The following KCNE1 variants were observed in gnomAD, a reference collection of about 807,000 sequenced individuals.
KCNE1 encodes the protein potassium voltage-gated channel subfamily E member 1.
KCNE1 carries 1 observed loss-of-function variant against 2.9 expected under a neutral mutation model. That is an observed-to-expected ratio of 0.34 (90% CI 0.12 to 1.62). The LOEUF (loss-of-function observed/expected upper bound fraction) is 1.62, where lower values mean the gene tolerates loss of function less well. Ranked by LOEUF, KCNE1 falls within the 40% of genes most tolerant of loss-of-function variation. The pLI is 0.36. For synonymous variants in KCNE1, 23 were observed against 65.4 expected (o/e 0.35, Z 3.13); for missense variants, 45 against 150.5 (o/e 0.30, Z 3.67).
At chr21:34,508,057 T>C (rs944497161) in intron 2 of KCNE1, among the ~76,000 whole-genome samples, 20 of 152,216 alleles carry the variant, frequency 1.3e-4, no homozygotes, top group Non-Finnish European at 2.8e-4. Flanking sequence ...GACAGGGTCT[T>C]GCTCTGTGGT....
chr21:34,506,238 G>A (rs181762720), intron 2 of KCNE1, among the ~76,000 whole-genome samples: 41 of 152,288 alleles, frequency 2.7e-4, no homozygotes, highest in African/African-American at 9.9e-4. Flanking sequence ...ACAAGCTTTT[G>A]GAAAATTGCT....
Position 34,449,095 on chromosome 21 carries a change from G to A in KCNE1, c.*150C>T, listed in dbSNP as rs145330135. On this transcript the variant is annotated 3_prime_UTR_variant, in exon 4 of 4. Coordinates refer to ENST00000399286, the MANE Select transcript of KCNE1 (RefSeq NM_000219.6). The stretch of plus-strand genomic sequence containing the variant: ...AAAAGAACGTGATTTTAGAGAAACA[G>A]TGAAACAGTGTCATTAATCCACCCC... 41 of 449,620 alleles carry A rather than the reference G, an allele frequency of 9.1e-5. 13 individuals carry two copies. The East Asian group carries it at 1.5e-3, about 16-fold the overall frequency. 27.9% of individuals were successfully genotyped at this position (449,620 alleles called of 1,614,324 possible).
At chr21:34,505,970 C>T (rs1480201592) in intron 2 of KCNE1, among the ~76,000 whole-genome samples, 1 of 152,226 alleles carries the variant, frequency 6.6e-6, no homozygotes, top group East Asian at 1.9e-4. Flanking sequence ...AGTTTTTTAA[C>T]TACAGTATTT....
At chr21:34,504,245 G>T (rs909976799) in intron 2 of KCNE1, among the ~76,000 whole-genome samples, 16 of 152,210 alleles carry the variant, frequency 1.1e-4, no homozygotes, top group South Asian at 4.1e-4. Context: ...AGTTGGGAGA[G>T]TGAGAAGGTA....
chr21:34,507,669 C>T (rs563448298), intron 2 of KCNE1, among the ~76,000 whole-genome samples: 3 of 152,204 alleles, frequency 2.0e-5, no homozygotes, highest in Non-Finnish European at 2.9e-5. Flanking sequence ...GAGCAGGTCA[C>T]ATTCAGCTTA....
intron 2 of KCNE1, chr21:34,510,463 C>T (rs1436356309): frequency 1.3e-5 from 2 of 152,558 alleles, no homozygotes; most frequent in Non-Finnish European, 2.9e-5. Flanking sequence ...GGTGGGTGCA[C>T]ACTTGTCTGA....
intron 2 of KCNE1, among the ~76,000 whole-genome samples, chr21:34,498,348 C>A (rs1016036212): frequency 1.3e-5 from 2 of 152,236 alleles, no homozygotes; most frequent in African/African-American, 4.8e-5. Flanking sequence ...ATGGAAAGAT[C>A]TGGAACTCAA....
intron 2 of KCNE1, among the ~76,000 whole-genome samples, chr21:34,502,073 G>A (rs1983203407): frequency 6.6e-6 from 1 of 152,168 alleles, no homozygotes; most frequent in Admixed American, 6.5e-5. Context: ...CTGCATTCAT[G>A]CATGCTTTTG....
chr21:34,509,909 C>T (rs749281659), intron 2 of KCNE1: 3 of 152,132 alleles, frequency 2.0e-5, no homozygotes, highest in Non-Finnish European at 4.4e-5. Context: ...CCTCTTTCTC[C>T]TCCCACCCTC....
At chr21:34,505,620 C>T (rs1983437886) in intron 2 of KCNE1, among the ~76,000 whole-genome samples, 1 of 152,200 alleles carries the variant, frequency 6.6e-6, no homozygotes, top group Admixed American at 6.5e-5. Context: ...GTCTTAGAGA[C>T]CTGAGCAGGC....
intron 2 of KCNE1, among the ~76,000 whole-genome samples, chr21:34,500,072 T>G (rs1168927633): frequency 6.6e-6 from 1 of 152,202 alleles, no homozygotes; most frequent in Non-Finnish European, 1.5e-5. Context: ...CACCGATATT[T>G]ATAATTTAAA....
intron 2 of KCNE1, among the ~76,000 whole-genome samples, chr21:34,496,511 C>T (rs1476819570): frequency 1.3e-5 from 2 of 152,090 alleles, no homozygotes; most frequent in Non-Finnish European, 2.9e-5. Flanking sequence ...TTATTCCACA[C>T]GGTCTGAAAG....
At chr21:34,503,229 A>G (rs1319614178) in intron 2 of KCNE1, among the ~76,000 whole-genome samples, 4 of 152,216 alleles carry the variant, frequency 2.6e-5, no homozygotes, top group Non-Finnish European at 5.9e-5. Flanking sequence ...TTGTTAGAGC[A>G]GCTCACAGAA....
Position 34,511,319 on chromosome 21 carries a change from A to C in KCNE1, c.-376-4T>G. 2.0e-6 allele frequency: 2 copies of C among 985,574 alleles called. No individual in the cohort carries two copies. Among genetic ancestry groups the C allele is most frequent in the Non-Finnish European group, 2.4e-6 (2 of 830,038 alleles). 61.1% of individuals were successfully genotyped at this position (985,574 alleles called of 1,614,324 possible). On this transcript the variant is annotated splice_polypyrimidine_tract_variant and splice_region_variant and intron_variant, in intron 1 of 3. Transcript: ENST00000399286. ...GGGCTTGTCTGTTTGGTGGTTGCTA[A>C]GGTTTGAAAAAAGCCAGCTGGAAAC...
intron 2 of KCNE1, among the ~76,000 whole-genome samples, chr21:34,496,562 T>C (rs1568858743): frequency 6.6e-6 from 1 of 151,980 alleles, no homozygotes; most frequent in African/African-American, 2.4e-5. Flanking sequence ...TTTATTGAGA[T>C]GTTTTTTGTG....
At chr21:34,504,153 A>C (rs1259105084) in intron 2 of KCNE1, among the ~76,000 whole-genome samples, 1 of 152,224 alleles carries the variant, frequency 6.6e-6, no homozygotes, top group Non-Finnish European at 1.5e-5. Context: ...AGGAAAGGAC[A>C]ACCACTCCGT....
Position 34,511,181 on chromosome 21 carries a change from T to C in KCNE1, c.-242A>G. ...GCAGGCTCCTTCTCTTCAGGTGGTC[T>C]TAGGAACTTCTCAGAACTTTTTGAG... On this transcript the variant is annotated 5_prime_UTR_variant, in exon 2 of 4. Transcript: ENST00000399286. 1 of 985,708 alleles carries C rather than the reference T, an allele frequency of 1.0e-6. No individual in the cohort carries two copies. The highest frequency in any genetic ancestry group is 1.2e-6 in the Non-Finnish European group (1 of 830,148). The allele number at this position is 985,708 out of a possible 1,614,324, so 61.1% of individuals were successfully genotyped here.
At chr21:34,500,876 C>T (rs1056649185) in intron 2 of KCNE1, among the ~76,000 whole-genome samples, 1 of 152,178 alleles carries the variant, frequency 6.6e-6, no homozygotes, top group African/African-American at 2.4e-5. Flanking sequence ...CACTCAAATT[C>T]ATTTCAACCA....
chr21:34,506,248 T>G lies in KCNE1; in HGVS notation c.-162+4853A>C, dbSNP rs41315461. Among the ~76,000 whole-genome samples the G allele has an allele frequency of 2.0e-4, 30 of 152,312 alleles. No individual in the cohort carries two copies. The East Asian group carries it at 5.2e-3, about 26-fold the overall frequency. The stretch of plus-strand genomic sequence containing the variant: ...CGGGGACAAGCTTTTGGAAAATTGC[T>G]GGGTTTCTAGACCAATCACGTCTTT... On this transcript the variant is annotated intron_variant, in intron 2 of 3. Coordinates refer to ENST00000399286, the MANE Select transcript of KCNE1 (RefSeq NM_000219.6).
Sources: gnomAD v4.1 joint callset for allele counts (sites outside exome capture counted in the v4.1 genomes callset) on GRCh38, gnomAD v4.1.1 for gene constraint, MANE v1.5 for transcripts, NCBI Gene and HGNC (gene_info 2026-07-23, HGNC 2026-07-21) for gene names.